TMEM232: variants seen among roughly 807,000 people sequenced by gnomAD.
TMEM232 encodes transmembrane protein 232.
TMEM232 carries 80 observed loss-of-function variants against 78.8 expected under a neutral mutation model. The observed-to-expected ratio is 1.01, with a 90% CI of 0.85 to 1.22. The LOEUF is 1.22. TMEM232 is among the 50% of genes most tolerant of loss of function. The probability of loss-of-function intolerance (pLI) is 0.00; values close to 1 mark genes in which losing one functional copy is unlikely to be tolerated. For synonymous variants in TMEM232, 297 were observed against 254.3 expected (o/e 1.17, Z -1.60); for missense variants, 881 against 742.2 (o/e 1.19, Z -2.17).
At chr5:110,608,630 C>A (rs75660705) in intron 8 of TMEM232, among the ~76,000 whole-genome samples, 1 of 151,988 alleles carries the variant, frequency 6.6e-6, no homozygotes. Flanking sequence ...TAGCCACCTA[C>A]GGTAGAGAAA....
chr5:110,564,161 CATTAGGAAT>C (rs1462893809), intron 11 of TMEM232, among the ~76,000 whole-genome samples: 1 of 151,772 alleles, frequency 6.6e-6, no homozygotes, highest in African/African-American at 2.4e-5. Context: ...AAAAACGGGA[CATTAGGAAT>C]ATTAGGATAA....
chr5:110,684,852 G>A (rs1024659501), intron 1 of TMEM232: 1 of 151,968 alleles, frequency 6.6e-6, no homozygotes, highest in African/African-American at 2.4e-5. Flanking sequence ...AGTTGTATAC[G>A]GGGTGTGTTT....
intron 12 of TMEM232, among the ~76,000 whole-genome samples, chr5:110,497,860 C>T (rs1267677351): frequency 5.3e-5 from 8 of 152,068 alleles, no homozygotes; most frequent in Admixed American, 5.2e-4. Flanking sequence ...CCATCTGATA[C>T]TCCCAATTTT....
chr5:110,712,231 A>C (rs541590243), intron 1 of TMEM232, among the ~76,000 whole-genome samples: 18 of 152,182 alleles, frequency 1.2e-4, no homozygotes, highest in African/African-American at 3.9e-4. Flanking sequence ...CAGGCAACCA[A>C]AGCAAAAGTA....
intron 12 of TMEM232, among the ~76,000 whole-genome samples, chr5:110,524,046 C>T (rs1179656466): frequency 6.7e-6 from 1 of 149,194 alleles, no homozygotes; most frequent in African/African-American, 2.5e-5. Context: ...GGGTGGATCA[C>T]GAGTTCAGGA....
At chr5:110,713,096 A>G (rs1457333137) in intron 1 of TMEM232, among the ~76,000 whole-genome samples, 1 of 152,074 alleles carries the variant, frequency 6.6e-6, no homozygotes, top group South Asian at 2.1e-4. Flanking sequence ...AAGATTCTCT[A>G]ATTTGCAACA....
intron 12 of TMEM232, among the ~76,000 whole-genome samples, chr5:110,481,474 C>T (rs542954122): frequency 1.3e-5 from 2 of 152,048 alleles, no homozygotes; most frequent in Admixed American, 1.3e-4. Flanking sequence ...AAATGCTCTC[C>T]CTCTTCCCCC....
intron 10 of TMEM232, among the ~76,000 whole-genome samples, chr5:110,598,270 T>A (rs1780438761): frequency 6.6e-6 from 1 of 152,146 alleles, no homozygotes; most frequent in South Asian, 2.1e-4. Context: ...ATGCTCATCA[T>A]CACTGGCCAT....
Position 110,568,617 on chromosome 5 carries a change from C to T in TMEM232, c.1285G>A (p.Val429Ile). ...AAGCCATAGTAACCAGTCCAGACTACTTGATCACCTGTTTAAAAAGAAAAA... is the reference window on the plus strand; with the variant it reads ...AAGCCATAGTAACCAGTCCAGACTATTTGATCACCTGTTTAAAAAGAAAAA... Reference protein sequence around the residue: ...SSKMSENCDQVVWTGYYGLVY... With the variant: ...SSKMSENCDQIVWTGYYGLVY... Residue 429 changes from valine to isoleucine, a missense_variant, in exon 11 of 14, where the codon GTA becomes ATA. By Grantham distance (29) the Val-to-Ile change is conservative. Coordinates refer to ENST00000455884, the MANE Select transcript of TMEM232 (RefSeq NM_001039763.4). 6.5e-7 allele frequency: 1 copy of T among 1,530,698 alleles called. No homozygotes were observed. Among genetic ancestry groups the T allele is most frequent in the Non-Finnish European group, 8.8e-7 (1 of 1,141,080 alleles). The allele number at this position is 1,530,698 out of a possible 1,614,324, so 94.8% of individuals were successfully genotyped here.
chr5:110,472,279 A>C (rs1372849193), intron 12 of TMEM232, among the ~76,000 whole-genome samples: 1 of 152,016 alleles, frequency 6.6e-6, no homozygotes, highest in East Asian at 1.9e-4. Flanking sequence ...AAATAAAAGC[A>C]AACAACTCCA....
intron 2 of TMEM232, among the ~76,000 whole-genome samples, chr5:110,410,125 G>C (rs1755936923): frequency 6.6e-6 from 1 of 152,206 alleles, no homozygotes. Flanking sequence ...AAAGGAGGTA[G>C]GTCAGAGGCT....
intron 1 of TMEM232, among the ~76,000 whole-genome samples, chr5:110,719,349 C>T (rs1056814636): frequency 3.3e-5 from 5 of 151,824 alleles, no homozygotes; most frequent in African/African-American, 1.2e-4. Context: ...TGACATTCTC[C>T]ATTTGAGACA....
intron 2 of TMEM232, among the ~76,000 whole-genome samples, chr5:110,410,686 G>A (rs1414285295): frequency 6.6e-6 from 1 of 152,142 alleles, no homozygotes; most frequent in Non-Finnish European, 1.5e-5. Context: ...TACGTGCCAG[G>A]TATTGGGACA....
intron 1 of TMEM232, among the ~76,000 whole-genome samples, chr5:110,719,347 TC>T (rs1175344303): frequency 6.6e-6 from 1 of 152,042 alleles, no homozygotes; most frequent in African/African-American, 2.4e-5. Flanking sequence ...ACTGACATTC[TC>T]CATTTGAGAC....
chr5:110,734,391 C>T (rs943129815), intron 2 of TMEM232, among the ~76,000 whole-genome samples: 1 of 152,184 alleles, frequency 6.6e-6, no homozygotes, highest in African/African-American at 2.4e-5. Flanking sequence ...TTGGGTCACA[C>T]CTGCTAACTA....
intron 11 of TMEM232, among the ~76,000 whole-genome samples, chr5:110,562,388 T>C (rs1454090629): frequency 1.3e-5 from 2 of 152,140 alleles, no homozygotes; most frequent in African/African-American, 2.4e-5. Context: ...CATTTTCTTA[T>C]CTGCAAGATG....
intron 11 of TMEM232, among the ~76,000 whole-genome samples, chr5:110,545,426 T>C (rs72771409): frequency 0.075 from 11,408 of 152,092 alleles, 544 homozygotes; most frequent in South Asian, 0.2. Flanking sequence ...TATTTTGTTA[T>C]ATAAAATATT....
chr5:110,469,162 G>GAAAC lies in TMEM232; in HGVS notation c.1704-44250_1704-44247dup, dbSNP rs202108719. On this transcript the variant is annotated intron_variant, in intron 12 of 13. Coordinates refer to ENST00000455884, the MANE Select transcript of TMEM232 (RefSeq NM_001039763.4). ...TCCATACATTTGTGCTTCCCCCATAGAAACAAACAGCCAATACTGTGCCCC... is the reference window on the plus strand; with the variant it reads ...TCCATACATTTGTGCTTCCCCCATAGAAACAAACAAACAGCCAATACTGTGCCCC... 8.2e-3 allele frequency among the ~76,000 whole-genome samples: 1,242 copies of GAAAC among 152,264 alleles called. 8 individuals are homozygous for GAAAC. The highest frequency in any genetic ancestry group is 0.031 in the Middle Eastern group (9 of 294).
intron 12 of TMEM232, among the ~76,000 whole-genome samples, chr5:110,439,591 G>A (rs61470281): frequency 2.3e-3 from 355 of 152,006 alleles, no homozygotes; most frequent in African/African-American, 7.4e-3. Context: ...TTTCAGTCTC[G>A]CTTTTCCTTG....
Sources: gnomAD v4.1 joint callset for allele counts (sites outside exome capture counted in the v4.1 genomes callset) on GRCh38, gnomAD v4.1.1 for gene constraint, MANE v1.5 for transcripts, NCBI Gene and HGNC (gene_info 2026-07-23, HGNC 2026-07-21) for gene names.